The following STXBP6 variants were observed in gnomAD, a reference collection of about 807,000 sequenced individuals.
The protein encoded by STXBP6 is syntaxin-binding protein 6.
In STXBP6, 21 loss-of-function variants were observed where a neutral mutation model predicts 26.9. The ratio of observed to expected loss-of-function variants is 0.78; its 90% CI spans 0.55 to 1.12. STXBP6 has a LOEUF of 1.12. Ranked by LOEUF, STXBP6 falls within the 50% of genes most tolerant of loss-of-function variation. The probability of loss-of-function intolerance (pLI) is 0.00; values close to 1 mark genes in which losing one functional copy is unlikely to be tolerated. For synonymous variants in STXBP6, 97 were observed against 92.6 expected, an observed-to-expected ratio of 1.05 and a Z score of -0.27; for missense variants, 232 against 257.9, an observed-to-expected ratio of 0.90 and a Z score of 0.69.
chr14:24,991,109 G>C (rs928010177), intron 1 of STXBP6, among the ~76,000 whole-genome samples: 3 of 150,182 alleles, frequency 2.0e-5, no homozygotes, highest in African/African-American at 7.4e-5. Context: ...AGGGGGAAGA[G>C]AGAGGAGAAG....
intron 4 of STXBP6, among the ~76,000 whole-genome samples, chr14:24,830,248 G>A (rs1027297120): frequency 1.3e-5 from 2 of 152,018 alleles, no homozygotes; most frequent in African/African-American, 4.8e-5. Context: ...TTTTAAAATA[G>A]GGGTAATCTG....
Position 24,832,175 on chromosome 14 carries a change from A to G in STXBP6, c.452-12981T>C, listed in dbSNP as rs543466093. On this transcript the variant is annotated intron_variant, in intron 4 of 5. Coordinates refer to ENST00000323944, the MANE Select transcript of STXBP6 (RefSeq NM_001394410.1). ...ACACATGTGCCAGTTTATGATTTCA[A>G]TATACAATACTACCTAGCTTTGGTT... Among the ~76,000 whole-genome samples, 15 of 152,302 alleles carry G rather than the reference A, an allele frequency of 9.8e-5. No homozygotes were observed. The East Asian group carries it at 2.9e-3, about 29-fold the overall frequency.
chr14:24,939,574 C>G (rs2072729150), intron 2 of STXBP6, among the ~76,000 whole-genome samples: 1 of 151,720 alleles, frequency 6.6e-6, no homozygotes, highest in South Asian at 2.1e-4. Context: ...TGAAAGCTAT[C>G]AAGATATGTT....
At chr14:25,001,975 G>C (rs1472063129) in intron 1 of STXBP6, among the ~76,000 whole-genome samples, 1 of 152,172 alleles carries the variant, frequency 6.6e-6, no homozygotes, top group Non-Finnish European at 1.5e-5. Flanking sequence ...CATCTAAAAT[G>C]TATATGTAGA....
At chr14:25,011,041 C>T (rs2075016881) in intron 1 of STXBP6, among the ~76,000 whole-genome samples, 2 of 152,018 alleles carry the variant, frequency 1.3e-5, no homozygotes, top group Admixed American at 6.6e-5. Flanking sequence ...ATATTGAGAC[C>T]GTTTCACAAT....
chr14:24,903,605 A>C (rs1378835804), intron 2 of STXBP6, among the ~76,000 whole-genome samples: 2 of 152,194 alleles, frequency 1.3e-5, no homozygotes, highest in African/African-American at 4.8e-5. Flanking sequence ...AACAGTTCAC[A>C]TAGAGACAGC....
chr14:24,856,904 T>A, intron 3 of STXBP6, 123 bp downstream of exon 3: 1 of 1,231,600 alleles, frequency 8.1e-7, no homozygotes. Flanking sequence ...TTTAATCACA[T>A]AATTGAAATA....
intron 1 of STXBP6, among the ~76,000 whole-genome samples, chr14:24,991,380 A>T (rs2074471371): frequency 6.6e-6 from 1 of 152,250 alleles, no homozygotes; most frequent in African/African-American, 2.4e-5. Context: ...TATGTGTCTT[A>T]CTTTCTTTAT....
intron 2 of STXBP6, among the ~76,000 whole-genome samples, chr14:24,967,708 C>G (rs1007435645): frequency 6.6e-6 from 1 of 152,138 alleles, no homozygotes; most frequent in Non-Finnish European, 1.5e-5. Context: ...AGACAAAAGG[C>G]TTACCCTGAT....
intron 1 of STXBP6, among the ~76,000 whole-genome samples, chr14:25,001,909 T>G (rs1483480144): frequency 6.6e-6 from 1 of 152,254 alleles, no homozygotes; most frequent in Non-Finnish European, 1.5e-5. Flanking sequence ...TAAAGCATAT[T>G]ATTCAACTTA....
At chr14:24,821,982 C>CT (rs1233783184) in intron 4 of STXBP6, among the ~76,000 whole-genome samples, 2 of 152,164 alleles carry the variant, frequency 1.3e-5, no homozygotes, top group African/African-American at 4.8e-5. Flanking sequence ...CCTTTGCACT[C>CT]TACAGACTCT....
chr14:24,965,139 G>A (rs1266516858), intron 2 of STXBP6, among the ~76,000 whole-genome samples: 3 of 151,912 alleles, frequency 2.0e-5, no homozygotes, highest in East Asian at 3.9e-4. Flanking sequence ...TAAAAATGGC[G>A]GGTCAGAATG....
At chr14:25,044,714 T>C (rs1355386417) in intron 1 of STXBP6, among the ~76,000 whole-genome samples, 1 of 152,224 alleles carries the variant, frequency 6.6e-6, no homozygotes, top group Non-Finnish European at 1.5e-5. Flanking sequence ...CTGCTGGCAT[T>C]ACAGGCATGA....
At chr14:24,949,800 T>G (rs1056223683) in intron 2 of STXBP6, among the ~76,000 whole-genome samples, 1 of 152,186 alleles carries the variant, frequency 6.6e-6, no homozygotes, top group Non-Finnish European at 1.5e-5. Flanking sequence ...TCCTGTAGTG[T>G]AACTGAGCCT....
chr14:24,834,943 T>C (rs1284311252), intron 4 of STXBP6, among the ~76,000 whole-genome samples: 1 of 152,160 alleles, frequency 6.6e-6, no homozygotes, highest in Non-Finnish European at 1.5e-5. Context: ...ATGATACACA[T>C]GAAGGGTTTG....
chr14:24,953,468 C>T (rs1168561349), intron 2 of STXBP6, among the ~76,000 whole-genome samples: 1 of 152,188 alleles, frequency 6.6e-6, no homozygotes, highest in Non-Finnish European at 1.5e-5. Context: ...GTCACGCTTC[C>T]TTCTGCCACA....
intron 2 of STXBP6, among the ~76,000 whole-genome samples, chr14:24,880,661 C>T (rs2070325040): frequency 6.6e-6 from 1 of 152,046 alleles, no homozygotes; most frequent in Non-Finnish European, 1.5e-5. Context: ...TGGAAATATC[C>T]CAGTTCCCAT....
chr14:25,014,864 A>G lies in STXBP6; in HGVS notation c.-33+35014T>C, dbSNP rs77987260. Among the ~76,000 whole-genome samples the G allele has an allele frequency of 5.4e-3, 822 of 152,346 alleles. 4 individuals carry two copies. Among genetic ancestry groups the G allele is most frequent in the Non-Finnish European group, 9.8e-3 (665 of 68,028 alleles). On this transcript the variant is annotated intron_variant, in intron 1 of 5. Transcript: ENST00000323944. The stretch of plus-strand genomic sequence containing the variant: ...AAAACAGTACTTTTTTTTCTCTTGG[A>G]TATAGGGAATATGAGAATTTGATTT...
Position 24,901,000 on chromosome 14 carries a change from G to A in STXBP6, c.155-43843C>T, listed in dbSNP as rs555039259. On this transcript the variant is annotated intron_variant, in intron 2 of 5. Transcript: ENST00000323944. ...GCTTGTAGCAGCACAAACTGTTACC[G>A]CTGGACAGACTAAGTCATGAAATTT... Among the ~76,000 whole-genome samples, 9 of 152,252 alleles carry A rather than the reference G, an allele frequency of 5.9e-5. No homozygotes were observed. In the South Asian group the frequency reaches 8.3e-4, roughly 14 times the overall value.
Sources: gnomAD v4.1 joint callset for allele counts (sites outside exome capture counted in the v4.1 genomes callset) on GRCh38, gnomAD v4.1.1 for gene constraint, MANE v1.5 for transcripts, NCBI Gene and HGNC (gene_info 2026-07-23, HGNC 2026-07-21) for gene names.